AP3D1: variants seen among roughly 807,000 people sequenced by gnomAD.
AP3D1 encodes adaptor related protein complex 3 subunit delta 1.
AP3D1 carries 51 observed loss-of-function variants against 147.6 expected under a neutral mutation model. That is an observed-to-expected ratio of 0.35 (90% CI 0.28 to 0.44). The LOEUF (loss-of-function observed/expected upper bound fraction) is 0.44, where lower values mean the gene tolerates loss of function less well. AP3D1 is among the 20% of genes least tolerant of loss of function. AP3D1 has a pLI of 1.00. For missense variants in AP3D1, 1,421 were observed against 1,624.2 expected, an observed-to-expected ratio of 0.87 and a Z score of 2.15; for synonymous variants, 760 against 663.0, an observed-to-expected ratio of 1.15 and a Z score of -2.25.
At chr19:2,134,583 TA>T (rs139495752) in intron 4 of AP3D1, among the ~76,000 whole-genome samples, 46,369 of 136,300 alleles carry the variant, frequency 0.34, 8,445 homozygotes, top group Non-Finnish European at 0.44. Flanking sequence ...AAAAATACCC[TA>T]AAAAAAAAAA....
chr19:2,133,722 T>C (rs1022235543), intron 4 of AP3D1, among the ~76,000 whole-genome samples: 4 of 151,914 alleles, frequency 2.6e-5, no homozygotes, highest in Middle Eastern at 3.4e-3. Flanking sequence ...CAGGCTGGTC[T>C]TGAACTCTTG....
At chr19:2,116,539 G>A in intron 17 of AP3D1, 66 bp downstream of exon 17, 1 of 1,480,198 alleles carries the variant, frequency 6.8e-7, no homozygotes, top group African/African-American at 1.4e-5. Context: ...CCGCTGACCT[G>A]CCTCAAAGAC....
chr19:2,152,572 C>G (rs1054050694), upstream of AP3D1, among the ~76,000 whole-genome samples: 1 of 146,996 alleles, frequency 6.8e-6, no homozygotes. Context: ...AGAAAGTAAT[C>G]GCAATAAAAA....
intron 8 of AP3D1, among the ~76,000 whole-genome samples, chr19:2,127,987 G>A (rs1032112719): frequency 1.3e-5 from 2 of 152,226 alleles, no homozygotes; most frequent in Admixed American, 6.5e-5. Context: ...GTCCGTGTGC[G>A]CGTATGCTAC....
At chr19:2,113,013 C>G (rs1166121712) in intron 23 of AP3D1, 46 bp from the exon 24 acceptor site, 10 of 1,465,932 alleles carry the variant, frequency 6.8e-6, no homozygotes, top group Non-Finnish European at 9.3e-6. Flanking sequence ...AATGAGGGGC[C>G]CCACTCCACT....
rs1474768873 is a variant in AP3D1, at chr19:2,114,169, CTT to C, written c.2555_2556del (p.Lys852ArgfsTer17). The C allele has an allele frequency of 6.3e-7, 1 of 1,586,706 alleles. No individual in the cohort carries two copies. The highest frequency in any genetic ancestry group is 1.4e-5 in the African/African-American group (1 of 74,028). ...TTCTTCTCCTTGTCTCTCTCTTTCT[CTT>C]TGTGTTTTTTCTCTTTCTTCTTGGG... is the stretch of plus-strand genomic sequence containing the variant. Reference protein sequence around the residue: ...KKPKKKEKKHKEKERDKEKKK... With the variant: ...KKPKKKEKKHXEKERDKEKKK... On this transcript the variant is annotated frameshift_variant, in exon 22 of 32. Transcript: ENST00000643116. LOFTEE classifies it high-confidence loss of function.
At chr19:2,123,512 GC>G in intron 10 of AP3D1, 106 bp from the exon 11 acceptor site, 1 of 1,169,756 alleles carries the variant, frequency 8.5e-7, no homozygotes, top group Non-Finnish European at 1.2e-6. Context: ...CCCGGCGTCA[GC>G]CCCACCCACC....
At chr19:2,122,192 C>T (rs959900041) in intron 11 of AP3D1, among the ~76,000 whole-genome samples, 6 of 145,878 alleles carry the variant, frequency 4.1e-5, no homozygotes, top group Non-Finnish European at 9.0e-5. Flanking sequence ...CAGGGAAGAA[C>T]GCAGAGAAGA....
intron 31 of AP3D1, among the ~76,000 whole-genome samples, chr19:2,104,675 T>G (rs914567523): frequency 4.7e-5 from 6 of 128,370 alleles, no homozygotes; most frequent in Admixed American, 3.0e-4. Flanking sequence ...AGTTTTTTTT[T>G]TTTTTTTTTT....
chr19:2,121,124 C>T (rs1236228326), intron 13 of AP3D1, 32 bp from the exon 14 acceptor site: 2 of 1,613,670 alleles, frequency 1.2e-6, no homozygotes, highest in African/African-American at 1.3e-5. Context: ...TGAGCGGCGC[C>T]ACGGAACCCC....
chr19:2,122,011 A>T, intron 11 of AP3D1, 132 bp from the exon 12 acceptor site: 1 of 1,038,548 alleles, frequency 9.6e-7, no homozygotes, highest in East Asian at 2.8e-5. Context: ...GGGTGGACAG[A>T]GCAAGTATCC....
Position 2,127,547 on chromosome 19 carries a change from C to T in AP3D1, c.807-346G>A, listed in dbSNP as rs142311795. On this transcript the variant is annotated intron_variant, in intron 8 of 31. Coordinates refer to ENST00000643116, the MANE Select transcript of AP3D1 (RefSeq NM_001261826.3). Reference sequence around the variant, plus strand: ...GTTTTGTTTTTTGTCTTTTCTGAGACGGAGTCTCGCTCTGTTGCCCAGGCC... The same window carrying T: ...GTTTTGTTTTTTGTCTTTTCTGAGATGGAGTCTCGCTCTGTTGCCCAGGCC... Among the ~76,000 whole-genome samples, 1,169 of 152,318 alleles carry T rather than the reference C, an allele frequency of 7.7e-3. 6 individuals carry two copies. The highest frequency in any genetic ancestry group is 0.013 in the African/African-American group (550 of 41,562).
At chr19:2,148,954 C>G (rs2019434110) in intron 1 of AP3D1, among the ~76,000 whole-genome samples, 1 of 152,154 alleles carries the variant, frequency 6.6e-6, no homozygotes, top group African/African-American at 2.4e-5. Context: ...GAACCTACAA[C>G]ATACGGTCTA....
intron 4 of AP3D1, among the ~76,000 whole-genome samples, chr19:2,136,538 G>A (rs1474007431): frequency 2.6e-5 from 4 of 152,140 alleles, no homozygotes; most frequent in African/African-American, 7.2e-5. Context: ...CTACTACCCA[G>A]TGGCCTCCGT....
At chr19:2,129,923 G>A (rs905740606) in intron 6 of AP3D1, among the ~76,000 whole-genome samples, 2 of 152,192 alleles carry the variant, frequency 1.3e-5, no homozygotes, top group African/African-American at 4.8e-5. Flanking sequence ...CCTGTGGGCT[G>A]GCTTTGGGGT....
chr19:2,162,674 C>A (rs2019737088), intron 1 of AP3D1, among the ~76,000 whole-genome samples: 1 of 121,094 alleles, frequency 8.3e-6, no homozygotes, highest in East Asian at 2.5e-4. Flanking sequence ...AAAACAAACC[C>A]CCCCACTCAA....
In AP3D1 at chr19:2,132,301, G is replaced by C. The variant is rs540056787; in HGVS notation, c.462+170C>G. ...CTTAAGACACGCAGGAACCAAAGCG[G>C]CCCAAGAGCCGCTCCACCAGCTGAC... On this transcript the variant is annotated intron_variant, in intron 5 of 31. Transcript: ENST00000643116. Among the ~76,000 whole-genome samples the C allele has an allele frequency of 9.2e-5, 14 of 152,310 alleles. No individual in the cohort carries two copies. The South Asian group carries it at 2.9e-3, about 32-fold the overall frequency.
chr19:2,111,614 T>C lies in AP3D1; in HGVS notation c.2937+65A>G, dbSNP rs969703151. 1.1e-4 allele frequency: 163 copies of C among 1,508,252 alleles called. 1 individual carries two copies. Among genetic ancestry groups the C allele is most frequent in the Admixed American group, 2.8e-4 (14 of 50,386 alleles). The allele number at this position is 1,508,252 out of a possible 1,614,324, so 93.4% of individuals were successfully genotyped here. A position where few individuals can be genotyped will look rare whatever the true frequency, so the allele number is the denominator to read the frequency against. On this transcript the variant is annotated intron_variant, in intron 25 of 31. Coordinates refer to ENST00000643116, the MANE Select transcript of AP3D1 (RefSeq NM_001261826.3). ...CTCTCCCGCATGGAGGCTGCAGGAG[T>C]GGGGAGCAGCGCACAGCCCGCCAGG... is the stretch of plus-strand genomic sequence containing the variant.
At chr19:2,149,152 G>A (rs2019439639) in intron 1 of AP3D1, among the ~76,000 whole-genome samples, 1 of 152,076 alleles carries the variant, frequency 6.6e-6, no homozygotes, top group Non-Finnish European at 1.5e-5. Flanking sequence ...GAAAGCCAGG[G>A]TCCCCAGACA....
Sources: allele counts gnomAD v4.1 joint callset (sites outside exome capture counted in the v4.1 genomes callset), GRCh38; gene constraint gnomAD v4.1.1; transcripts MANE v1.5; gene names NCBI Gene and HGNC (gene_info 2026-07-23, HGNC 2026-07-21).